Variants in FLRT2 observed in about 807,000 individuals in gnomAD.
FLRT2 encodes the protein leucine-rich repeat transmembrane protein FLRT2.
In FLRT2, 15 loss-of-function variants were observed where a neutral mutation model predicts 40.0. The observed-to-expected ratio is 0.38, with a 90% CI of 0.25 to 0.58. FLRT2 has a LOEUF of 0.58. FLRT2 is among the 20% of genes least tolerant of loss of function. FLRT2 has a pLI of 0.71. For missense variants in FLRT2, 726 were observed against 840.0 expected, an observed-to-expected ratio of 0.86 and a Z score of 1.68; for synonymous variants, 380 against 336.8, an observed-to-expected ratio of 1.13 and a Z score of -1.41.
chr14:85,593,335 T>C (rs1391715356), intron 1 of FLRT2, among the ~76,000 whole-genome samples: 3 of 152,242 alleles, frequency 2.0e-5, no homozygotes, highest in Non-Finnish European at 4.4e-5. Context: ...TGAAAGTCCA[T>C]GAAATTAACC....
intron 1 of FLRT2, among the ~76,000 whole-genome samples, chr14:85,539,054 C>G (rs1181819351): frequency 1.3e-5 from 2 of 152,020 alleles, no homozygotes; most frequent in Non-Finnish European, 2.9e-5. Flanking sequence ...GCATAGGGGC[C>G]ATAGAGGTTC....
Position 85,623,571 on chromosome 14 carries a change from A to G in FLRT2, c.*74A>G. ...CACACTCGTGTGTGCACATAAAGAC[A>G]CGCAGATTACATTTGATAAATGTTA... On this transcript the variant is annotated 3_prime_UTR_variant, in exon 2 of 2. Transcript: ENST00000330753. 8.5e-7 allele frequency: 1 copy of G among 1,180,012 alleles called. No individual in the cohort carries two copies. Among genetic ancestry groups the G allele is most frequent in the Non-Finnish European group, 1.1e-6 (1 of 888,206 alleles). 73.1% of individuals were successfully genotyped at this position (1,180,012 alleles called of 1,614,324 possible). A position where few individuals can be genotyped will look rare whatever the true frequency, so the allele number is the denominator to read the frequency against.
At chr14:85,613,622 G>A (rs535641861) in intron 1 of FLRT2, among the ~76,000 whole-genome samples, 2 of 152,306 alleles carry the variant, frequency 1.3e-5, no homozygotes, top group East Asian at 3.9e-4. Context: ...ATCATCTGAA[G>A]GTCGTTCTTT....
chr14:85,577,787 C>T (rs544880749), intron 1 of FLRT2, among the ~76,000 whole-genome samples: 2 of 152,008 alleles, frequency 1.3e-5, no homozygotes, highest in Middle Eastern at 3.4e-3. Context: ...CACAGTGTTG[C>T]CCAGGCTGGC....
At chr14:85,605,330 G>A (rs539969545) in intron 1 of FLRT2, among the ~76,000 whole-genome samples, 1 of 152,088 alleles carries the variant, frequency 6.6e-6, no homozygotes, top group Non-Finnish European at 1.5e-5. Flanking sequence ...CTTGAGTTTT[G>A]CCTCAAAAAG....
intron 1 of FLRT2, among the ~76,000 whole-genome samples, chr14:85,618,192 C>T (rs756311849): frequency 5.3e-5 from 8 of 152,164 alleles, no homozygotes; most frequent in African/African-American, 1.7e-4. Context: ...TAAGCAAACA[C>T]CATCATCCTC....
rs1893642695 is a variant in FLRT2 at position 85,625,518 on chromosome 14, C to G, written c.*2021C>G. 1 of 166,940 alleles carries G rather than the reference C, an allele frequency of 6.0e-6. No homozygotes were observed. Among genetic ancestry groups the G allele is most frequent in the Non-Finnish European group, 1.5e-5 (1 of 68,116 alleles). The allele number at this position is 166,940 out of a possible 1,614,324, so 10.3% of individuals were successfully genotyped here. A position where few individuals can be genotyped will look rare whatever the true frequency, so the allele number is the denominator to read the frequency against. On this transcript the variant is annotated 3_prime_UTR_variant, in exon 2 of 2. Transcript: ENST00000330753. The stretch of plus-strand genomic sequence containing the variant: ...GACACAAGAATTGAAACTGTGCAGT[C>G]AGTAGAGCTGAACTTAGCTATGAAT...
intron 1 of FLRT2, among the ~76,000 whole-genome samples, chr14:85,595,669 G>T (rs938605387): frequency 6.6e-6 from 1 of 152,076 alleles, no homozygotes; most frequent in Admixed American, 6.6e-5. Flanking sequence ...TTTATCCACG[G>T]TATAACTGCC....
At chr14:85,556,211 A>G (rs770349986) in intron 1 of FLRT2, among the ~76,000 whole-genome samples, 1 of 152,182 alleles carries the variant, frequency 6.6e-6, no homozygotes, top group Non-Finnish European at 1.5e-5. Context: ...TTGCGAGAAA[A>G]TGCCCACTGG....
intron 1 of FLRT2, among the ~76,000 whole-genome samples, chr14:85,567,430 A>G (rs892695348): frequency 7.9e-5 from 12 of 152,106 alleles, no homozygotes; most frequent in Non-Finnish European, 1.6e-4. Flanking sequence ...GGTTAAGAGC[A>G]TGGATTCTGG....
At chr14:85,577,897 T>A (rs1239838803) in intron 1 of FLRT2, among the ~76,000 whole-genome samples, 1 of 151,484 alleles carries the variant, frequency 6.6e-6, no homozygotes, top group African/African-American at 2.4e-5. Context: ...TACTTTTTTA[T>A]TTTTTTTCAC....
intron 1 of FLRT2, among the ~76,000 whole-genome samples, chr14:85,572,420 CA>C (rs1462181207): frequency 7.9e-5 from 12 of 152,306 alleles, no homozygotes; most frequent in African/African-American, 2.6e-4. Context: ...ACTTCTCAAG[CA>C]GGTATGCGTT....
At chr14:85,540,443 G>C (rs1327022450) in intron 1 of FLRT2, among the ~76,000 whole-genome samples, 1 of 152,052 alleles carries the variant, frequency 6.6e-6, no homozygotes, top group Non-Finnish European at 1.5e-5. Flanking sequence ...AATTTTAAAG[G>C]TTCCAAGAGT....
rs140852614 is a variant in FLRT2 at position 85,646,009 on chromosome 14, G to T, written c.*22512G>T. On this transcript the variant is annotated 3_prime_UTR_variant, in exon 2 of 2. Transcript: ENST00000330753. ...GAAATAGACAATTACTCTGTATATA[G>T]ATTTGCCTGCCTTGTAACCATGCCT... The T allele has an allele frequency of 4.6e-4, 69 of 150,860 alleles. No individual in the cohort carries two copies. Among genetic ancestry groups the T allele is most frequent in the African/African-American group, 1.6e-3 (64 of 40,636 alleles). The allele number at this position is 150,860 out of a possible 1,614,324, so 9.3% of individuals were successfully genotyped here.
chr14:85,550,820 C>T (rs1450500903), intron 1 of FLRT2, among the ~76,000 whole-genome samples: 1 of 152,164 alleles, frequency 6.6e-6, no homozygotes, highest in Admixed American at 6.6e-5. Context: ...CCTTGTCTAA[C>T]ACACGTTGAA....
At position 85,631,111 on chromosome 14, in the gene FLRT2, T is replaced by TG. The variant is rs1381820037; in HGVS notation, c.*7614_*7615insG. ...ATATAATTACATATATAATCTAGATTTTATATATATATATATATGAAATGA... is the reference window on the plus strand; with the variant it reads ...ATATAATTACATATATAATCTAGATTGTTATATATATATATATATGAAATGA... On this transcript the variant is annotated 3_prime_UTR_variant, in exon 2 of 2. Transcript: ENST00000330753. The TG allele has an allele frequency of 8.9e-6, 1 of 112,060 alleles. No homozygotes were observed. The highest frequency in any genetic ancestry group is 3.8e-5 in the African/African-American group (1 of 26,592). 6.9% of individuals were successfully genotyped at this position (112,060 alleles called of 1,614,324 possible).
At chr14:85,617,746 A>G (rs1211154283) in intron 1 of FLRT2, among the ~76,000 whole-genome samples, 2 of 152,216 alleles carry the variant, frequency 1.3e-5, no homozygotes, top group Non-Finnish European at 2.9e-5. Context: ...ACGGAACAGA[A>G]CAAATCTGCT....
intron 1 of FLRT2, among the ~76,000 whole-genome samples, chr14:85,615,632 C>T (rs1893092235): frequency 1.4e-5 from 1 of 72,592 alleles, no homozygotes; most frequent in African/African-American, 7.2e-5. Context: ...TACGGGGTGG[C>T]TATTGATATA....
Position 85,627,577 on chromosome 14 carries a change from TACACACAC to T in FLRT2, c.*4096_*4103del, listed in dbSNP as rs34410873. 1 of 161,786 alleles carries T rather than the reference TACACACAC, an allele frequency of 6.2e-6. No individual in the cohort carries two copies. The highest frequency in any genetic ancestry group is 2.1e-4 in the South Asian group (1 of 4,736). The allele number at this position is 161,786 out of a possible 1,614,324, so 10.0% of individuals were successfully genotyped here. A position where few individuals can be genotyped will look rare whatever the true frequency, so the allele number is the denominator to read the frequency against. ...TTATTATCAAACATGCACATGCTTG[TACACACAC>T]ACACACACACACACAAACAGGGGCA... On this transcript the variant is annotated 3_prime_UTR_variant, in exon 2 of 2. Coordinates refer to ENST00000330753, the MANE Select transcript of FLRT2 (RefSeq NM_013231.6).
Sources: allele counts gnomAD v4.1 joint callset (sites outside exome capture counted in the v4.1 genomes callset), GRCh38; gene constraint gnomAD v4.1.1; transcripts MANE v1.5; gene names NCBI Gene and HGNC (gene_info 2026-07-23, HGNC 2026-07-21).